The following PPP1R9A variants were observed in gnomAD, a reference collection of about 807,000 sequenced individuals.
The protein encoded by PPP1R9A is neurabin-1.
In PPP1R9A, 59 loss-of-function variants were observed where a neutral mutation model predicts 141.9. The observed-to-expected ratio is 0.42, with a 90% confidence interval of 0.34 to 0.52. The LOEUF (loss-of-function observed/expected upper bound fraction) is 0.52. Ranked by LOEUF, PPP1R9A falls within the 20% of genes least tolerant of loss-of-function variation. The probability of loss-of-function intolerance (pLI) is 0.10; values close to 1 mark genes in which losing one functional copy is unlikely to be tolerated. For missense variants in PPP1R9A, 1,444 were observed against 1,611.9 expected, an observed-to-expected ratio of 0.90 and a Z score of 1.78; for synonymous variants, 500 against 569.7, an observed-to-expected ratio of 0.88 and a Z score of 1.74.
chr7:95,038,860 A>G (rs946626544), intron 2 of PPP1R9A, among the ~76,000 whole-genome samples: 1 of 152,144 alleles, frequency 6.6e-6, no homozygotes, highest in African/African-American at 2.4e-5. Flanking sequence ...TCAAGACACA[A>G]ATTCCCTCCG....
rs1339055029 is a variant in PPP1R9A, at chr7:94,910,497, C to T, written c.384C>T (p.Asp128=). 2 of 1,614,032 alleles carry T rather than the reference C, an allele frequency of 1.2e-6. No individual in the cohort carries two copies. Among genetic ancestry groups the T allele is most frequent in the Admixed American group, 3.3e-5 (2 of 60,002 alleles). ...SSVSERISRF[D]TMYDGPSYSK... ...TTTCTGAACGAATTAGTAGATTTGA[C>T]ACTATGTACGATGGCCCTTCATATT... is the stretch of plus-strand genomic sequence containing the variant. Residue 128 remains aspartate (D), a synonymous_variant, in exon 2 of 20, where the codon GAC becomes GAT. Transcript: ENST00000433360. The surrounding 1 kb of genome is among the most constrained non-coding windows in gnomAD (Gnocchi z 4.5).
intron 6 of PPP1R9A, among the ~76,000 whole-genome samples, chr7:95,199,476 CA>C: frequency 6.6e-6 from 1 of 152,236 alleles, no homozygotes; most frequent in East Asian, 1.9e-4. Flanking sequence ...AACAGACATT[CA>C]AATATTTTCA....
intron 2 of PPP1R9A, among the ~76,000 whole-genome samples, chr7:95,058,929 G>A (rs10269075): frequency 0.49 from 75,120 of 151,814 alleles, 19,530 homozygotes; most frequent in African/African-American, 0.62. Flanking sequence ...AGTTGGGATT[G>A]TAGGCGTGTG....
chr7:94,932,158 C>T (rs1199643345), intron 2 of PPP1R9A, among the ~76,000 whole-genome samples: 1 of 152,122 alleles, frequency 6.6e-6, no homozygotes, highest in African/African-American at 2.4e-5. Context: ...GTCAGAAATC[C>T]ATTAACTTAG....
intron 16 of PPP1R9A, among the ~76,000 whole-genome samples, chr7:95,279,675 A>G (rs959750986): frequency 1.3e-5 from 2 of 152,222 alleles, no homozygotes; most frequent in African/African-American, 2.4e-5. Context: ...AAACGTCCCA[A>G]TATAGTTATC....
At chr7:95,074,759 C>T (rs1006846557) in intron 2 of PPP1R9A, among the ~76,000 whole-genome samples, 4 of 152,198 alleles carry the variant, frequency 2.6e-5, no homozygotes, top group Admixed American at 1.3e-4. Flanking sequence ...CAGGCGTGAT[C>T]CATCGTGCCC....
chr7:95,068,813 A>C (rs1314133250), intron 2 of PPP1R9A, among the ~76,000 whole-genome samples: 1 of 152,164 alleles, frequency 6.6e-6, no homozygotes, highest in Non-Finnish European at 1.5e-5. Context: ...TAGGCCCAGC[A>C]GTCAGGTACT....
At chr7:95,271,613 G>A (rs1161997104) in intron 14 of PPP1R9A, among the ~76,000 whole-genome samples, 1 of 152,170 alleles carries the variant, frequency 6.6e-6, no homozygotes, top group African/African-American at 2.4e-5. Context: ...TATAAAGGAA[G>A]AGATAGTCAA....
At chr7:95,285,826 A>G (rs957142086) in intron 17 of PPP1R9A, among the ~76,000 whole-genome samples, 1 of 152,068 alleles carries the variant, frequency 6.6e-6, no homozygotes, top group Non-Finnish European at 1.5e-5. Flanking sequence ...ATCTGTTCCT[A>G]ATAACTCAGC....
In PPP1R9A at chr7:95,200,336, A is replaced by G. The variant is rs147954631; in HGVS notation, c.1890+1852A>G. Among the ~76,000 whole-genome samples the G allele has an allele frequency of 3.1e-3, 470 of 151,070 alleles. 3 individuals are homozygous for G. The highest frequency in any genetic ancestry group is 0.011 in the African/African-American group (461 of 41,142). On this transcript the variant is annotated intron_variant, in intron 6 of 19. Coordinates refer to ENST00000433360, the MANE Select transcript of PPP1R9A (RefSeq NM_001166160.2). ...GGCTGGAGTGCAGTGGTGCAAGCAT[A>G]GCTCACTATATCCTTGAGCTCCTGG... is the stretch of plus-strand genomic sequence containing the variant.
intron 2 of PPP1R9A, among the ~76,000 whole-genome samples, chr7:94,934,722 C>T (rs934221880): frequency 4.6e-5 from 7 of 151,458 alleles, no homozygotes; most frequent in African/African-American, 1.5e-4. Context: ...TGTGTGTATA[C>T]GTATATGTAC....
intron 14 of PPP1R9A, among the ~76,000 whole-genome samples, chr7:95,271,746 C>A (rs1483130554): frequency 6.6e-6 from 1 of 152,090 alleles, no homozygotes; most frequent in Non-Finnish European, 1.5e-5. Flanking sequence ...AGTTGAGGCA[C>A]CCAATCTGGG....
chr7:94,983,503 C>T (rs1333032198), intron 2 of PPP1R9A, among the ~76,000 whole-genome samples: 1 of 152,090 alleles, frequency 6.6e-6, no homozygotes, highest in Non-Finnish European at 1.5e-5. Context: ...TCTTTTATTT[C>T]ATTGAGCAGT....
chr7:95,274,877 C>G (rs181053679), intron 16 of PPP1R9A, among the ~76,000 whole-genome samples: 219 of 152,268 alleles, frequency 1.4e-3, no homozygotes, highest in African/African-American at 5.0e-3. Flanking sequence ...GTGAGTTACC[C>G]TCTGTGCCTT....
In PPP1R9A at chr7:95,127,158, C is replaced by T. The variant is rs1022189924; in HGVS notation, c.1649+6326C>T. ...CTCCCTCTCTCACTCTTTTTAAAAA[C>T]GTTAAAGATGGTTTTTATTTCCTCA... On this transcript the variant is annotated intron_variant, in intron 4 of 19. Transcript: ENST00000433360. 1.1e-4 allele frequency among the ~76,000 whole-genome samples: 16 copies of T among 152,028 alleles called. No homozygotes were observed. The East Asian group carries it at 1.7e-3, about 16-fold the overall frequency.
At chr7:95,007,660 G>A (rs1043078281) in intron 2 of PPP1R9A, among the ~76,000 whole-genome samples, 8 of 152,134 alleles carry the variant, frequency 5.3e-5, no homozygotes, top group African/African-American at 1.9e-4. Flanking sequence ...GTAAAAACCT[G>A]GAGAGGAAAT....
chr7:95,126,366 C>T (rs1027700963), intron 4 of PPP1R9A, among the ~76,000 whole-genome samples: 2 of 152,054 alleles, frequency 1.3e-5, no homozygotes, highest in African/African-American at 4.8e-5. Flanking sequence ...TACCCTTATC[C>T]CTATTGATTC....
At chr7:95,180,003 T>C (rs528524480) in intron 5 of PPP1R9A, among the ~76,000 whole-genome samples, 55 of 152,148 alleles carry the variant, frequency 3.6e-4, no homozygotes, top group Non-Finnish European at 5.7e-4. Context: ...ACCATCATTC[T>C]TCACAGAATT....
chr7:94,911,397 T>C lies in PPP1R9A; in HGVS notation c.1284T>C (p.Asp428=). 1 of 1,613,676 alleles carries C rather than the reference T, an allele frequency of 6.2e-7. No individual in the cohort carries two copies. The highest frequency in any genetic ancestry group is 8.5e-7 in the Non-Finnish European group (1 of 1,179,614). The change falls in exon 2 of 20, where the codon GAT becomes GAC. Residue 428 remains aspartate (D), a synonymous_variant. Coordinates refer to ENST00000433360, the MANE Select transcript of PPP1R9A (RefSeq NM_001166160.2). ...AGCAGGATGAGGAGGAAGATAGTGA[T>C]GAGAACAGTTACTATCAGCCTGATA... ...GTEQDEEEDS[D]ENSYYQPDME...
Sources: allele counts gnomAD v4.1 joint callset (sites outside exome capture counted in the v4.1 genomes callset), GRCh38; gene constraint gnomAD v4.1.1; non-coding constraint Gnocchi (gnomAD v3.1); transcripts MANE v1.5; gene names NCBI Gene and HGNC (gene_info 2026-07-23, HGNC 2026-07-21).